ASS1: variants seen among roughly 807,000 people sequenced by gnomAD.
ASS1 encodes argininosuccinate synthase.
In ASS1, 58 loss-of-function variants were observed where a neutral mutation model predicts 60.5. The observed-to-expected ratio is 0.96, with a 90% CI of 0.78 to 1.19. The LOEUF is 1.19. ASS1 is among the 50% of genes most tolerant of loss of function. The probability of loss-of-function intolerance (pLI) is 0.00; values close to 1 mark genes in which losing one functional copy is unlikely to be tolerated. For synonymous variants in ASS1, 200 were observed against 206.9 expected (o/e 0.97, Z 0.29); for missense variants, 454 against 547.3 (o/e 0.83, Z 1.70).
At chr9:130,473,952 T>C (rs1433273484) in intron 8 of ASS1, among the ~76,000 whole-genome samples, 1 of 151,850 alleles carries the variant, frequency 6.6e-6, no homozygotes, top group Non-Finnish European at 1.5e-5. Flanking sequence ...GGCCATTTGC[T>C]TCCAATTTCT....
chr9:130,454,042 TGGCCAGGGCCA>T (rs1845382156), intron 2 of ASS1, among the ~76,000 whole-genome samples: 1 of 152,254 alleles, frequency 6.6e-6, no homozygotes, highest in South Asian at 2.1e-4. Flanking sequence ...GCAGCCTGTG[TGGCCAGGGCCA>T]GGCTCAGCCA....
At chr9:130,464,576 A>C (rs1266954803) in intron 5 of ASS1, among the ~76,000 whole-genome samples, 1 of 151,992 alleles carries the variant, frequency 6.6e-6, no homozygotes, top group Admixed American at 6.5e-5. Flanking sequence ...GAGCCCTCCG[A>C]GCCCCAGTCA....
At chr9:130,493,996 C>G (rs902615379) in intron 12 of ASS1, among the ~76,000 whole-genome samples, 2 of 152,156 alleles carry the variant, frequency 1.3e-5, no homozygotes, top group African/African-American at 4.8e-5. Flanking sequence ...TGGGCCAACA[C>G]AAGTCAAATG....
At chr9:130,463,170 G>T (rs1845644186) in intron 4 of ASS1, among the ~76,000 whole-genome samples, 1 of 152,252 alleles carries the variant, frequency 6.6e-6, no homozygotes, top group Admixed American at 6.5e-5. Flanking sequence ...CTGCGCCCAT[G>T]CAGTTTTCAC....
intron 4 of ASS1, among the ~76,000 whole-genome samples, chr9:130,461,396 G>A (rs1019198109): frequency 2.0e-5 from 3 of 152,124 alleles, no homozygotes; most frequent in African/African-American, 7.2e-5. Flanking sequence ...ACAAAGGCGG[G>A]AGGAGGTGGC....
chr9:130,464,155 C>T lies in ASS1; in HGVS notation c.408C>T (p.Ala136=), dbSNP rs765880041. ...TTGAGCTCAGCTGCTACTCACTGGC[C>T]CCCCAGATAAAGGTAGGATGTGGCT... The part of the protein sequence containing the change: ...VRFELSCYSL[A]PQIKVIAPWR... Residue 136 remains alanine, a synonymous_variant, in exon 5 of 15, where the codon GCC becomes GCT. Coordinates refer to ENST00000352480, the MANE Select transcript of ASS1 (RefSeq NM_054012.4). 2.2e-5 allele frequency: 35 copies of T among 1,614,080 alleles called. No homozygotes were observed. In the Admixed American group the frequency reaches 5.8e-4, roughly 27 times the overall value.
At chr9:130,498,130 C>T (rs938385977) in intron 13 of ASS1, among the ~76,000 whole-genome samples, 1 of 152,194 alleles carries the variant, frequency 6.6e-6, no homozygotes, top group Non-Finnish European at 1.5e-5. Flanking sequence ...GAACAAATCA[C>T]TGGGGCCAGG....
intron 13 of ASS1, among the ~76,000 whole-genome samples, chr9:130,496,333 G>T (rs1045042303): frequency 6.6e-6 from 1 of 151,836 alleles, no homozygotes; most frequent in African/African-American, 2.4e-5. Flanking sequence ...AGGTGGGAGC[G>T]TCTCTTGAGT....
chr9:130,474,209 C>T (rs763789285), intron 8 of ASS1, among the ~76,000 whole-genome samples: 4 of 152,040 alleles, frequency 2.6e-5, no homozygotes, highest in Non-Finnish European at 4.4e-5. Flanking sequence ...GCTCGAGCCA[C>T]CGCGGAATGC....
rs147812269 is a variant in ASS1, at chr9:130,446,857, G to A, written c.-6+1862G>A. The stretch of plus-strand genomic sequence containing the variant: ...CACCCATGTGGAAAGAGGTAACTTC[G>A]CTGGAATTCAGAGTCTAAGGCTCTG... On this transcript the variant is annotated intron_variant, in intron 1 of 14. Coordinates refer to ENST00000352480, the MANE Select transcript of ASS1 (RefSeq NM_054012.4). Among the ~76,000 whole-genome samples the A allele has an allele frequency of 3.4e-4, 52 of 152,340 alleles. No individual in the cohort carries two copies. The East Asian group carries it at 6.2e-3, about 18-fold the overall frequency.
intron 11 of ASS1, 35 bp downstream of exon 11, chr9:130,480,484 G>T: frequency 6.2e-7 from 1 of 1,609,420 alleles, no homozygotes. Flanking sequence ...GGCCTGCCTC[G>T]GGACCCAGCA....
rs77634969 is a variant in ASS1, at chr9:130,451,275, G to A, written c.-5-949G>A. Among the ~76,000 whole-genome samples the A allele has an allele frequency of 8.8e-3, 1,322 of 150,206 alleles. 20 individuals carry two copies. Among genetic ancestry groups the A allele is most frequent in the African/African-American group, 0.03 (1,231 of 41,042 alleles). On this transcript the variant is annotated intron_variant, in intron 1 of 14. Transcript: ENST00000352480. ...GGAGGGTGGGGCAGGATGGGAGACCGCAGGCACTTCCCGGCTGCAGAGGGC... is the reference window on the plus strand; with the variant it reads ...GGAGGGTGGGGCAGGATGGGAGACCACAGGCACTTCCCGGCTGCAGAGGGC...
At chr9:130,446,558 G>T (rs1014389539) in intron 1 of ASS1, among the ~76,000 whole-genome samples, 4 of 152,220 alleles carry the variant, frequency 2.6e-5, no homozygotes, top group African/African-American at 4.8e-5. Context: ...TGAGCGCCTG[G>T]CCGGTGCGGG....
At chr9:130,486,826 G>A (rs1846315300) in intron 11 of ASS1, among the ~76,000 whole-genome samples, 1 of 152,214 alleles carries the variant, frequency 6.6e-6, no homozygotes, top group Non-Finnish European at 1.5e-5. Flanking sequence ...AGCCCCCAGA[G>A]AGGTTCCCTT....
At chr9:130,460,781 A>G (rs1404643522) in intron 4 of ASS1, among the ~76,000 whole-genome samples, 1 of 152,150 alleles carries the variant, frequency 6.6e-6, no homozygotes, top group Non-Finnish European at 1.5e-5. Context: ...GTGGCCAGTG[A>G]CTACCCCAGC....
intron 11 of ASS1, among the ~76,000 whole-genome samples, chr9:130,483,634 T>C (rs1006163276): frequency 8.6e-5 from 13 of 151,886 alleles, no homozygotes; most frequent in Non-Finnish European, 1.3e-4. Context: ...GTCCTTGTGC[T>C]CAGCCTCTTT....
chr9:130,468,978 G>T (rs1006479151), intron 6 of ASS1, among the ~76,000 whole-genome samples: 6 of 152,226 alleles, frequency 3.9e-5, no homozygotes, highest in Non-Finnish European at 7.3e-5. Flanking sequence ...GAGGGTCATT[G>T]TCATTGGCCC....
Position 130,459,960 on chromosome 9 carries a change from C to T in ASS1, c.363+1371C>T, listed in dbSNP as rs548681200. ...AGTCCTTGAGAAACCAGATTCCTGACAATGTTGGCAACTGTCAGCCGATGT... is the reference window on the plus strand; with the variant it reads ...AGTCCTTGAGAAACCAGATTCCTGATAATGTTGGCAACTGTCAGCCGATGT... On this transcript the variant is annotated intron_variant, in intron 4 of 14. Coordinates refer to ENST00000352480, the MANE Select transcript of ASS1 (RefSeq NM_054012.4). This position sits in a 1 kb window ranked among gnomAD's most constrained non-coding sequence, Gnocchi z 4.6. Among the ~76,000 whole-genome samples the T allele has an allele frequency of 6.6e-6, 1 of 152,336 alleles. No individual in the cohort carries two copies. The highest frequency in any genetic ancestry group is 2.1e-4 in the South Asian group (1 of 4,830).
intron 8 of ASS1, 37 bp downstream of exon 8, chr9:130,471,552 C>T (rs772824744): frequency 1.9e-6 from 3 of 1,599,974 alleles, no homozygotes; most frequent in South Asian, 2.2e-5. Flanking sequence ...CAGCTGGCCA[C>T]CTTTGGTGGT....
Sources: allele counts gnomAD v4.1 joint callset (sites outside exome capture counted in the v4.1 genomes callset), GRCh38; gene constraint gnomAD v4.1.1; non-coding constraint Gnocchi (gnomAD v3.1); transcripts MANE v1.5; gene names NCBI Gene and HGNC (gene_info 2026-07-23, HGNC 2026-07-21).